Variants in C1GALT1 observed in about 807,000 individuals in gnomAD.
C1GALT1 encodes glycoprotein-N-acetylgalactosamine 3-beta-galactosyltransferase 1.
Under a neutral mutation model 31.0 loss-of-function variants are expected in C1GALT1, and 11 were observed. The observed-to-expected ratio is 0.36, with a 90% confidence interval of 0.22 to 0.59. The LOEUF is 0.59. Ranked by LOEUF, C1GALT1 falls within the 20% of genes least tolerant of loss-of-function variation. The pLI, the probability that C1GALT1 is intolerant of heterozygous loss-of-function variation, is 0.79. For missense variants in C1GALT1, 424 were observed against 425.2 expected, an observed-to-expected ratio of 1.00 and a Z score of 0.03; for synonymous variants, 175 against 143.6, an observed-to-expected ratio of 1.22 and a Z score of -1.56.
intron 1 of C1GALT1, among the ~76,000 whole-genome samples, chr7:7,196,834 A>AAT (rs1781309405): frequency 6.6e-6 from 1 of 151,982 alleles, no homozygotes; most frequent in African/African-American, 2.4e-5. Context: ...GCATTTTTTC[A>AAT]TGTGTTTTTT....
At chr7:7,172,983 C>A (rs908540616) in intron 2 of C1GALT1, among the ~76,000 whole-genome samples, 1 of 152,216 alleles carries the variant, frequency 6.6e-6, no homozygotes, top group Admixed American at 6.5e-5. Context: ...TTCCCCTCAT[C>A]TGATTGGAAT....
intron 1 of C1GALT1, among the ~76,000 whole-genome samples, chr7:7,227,747 C>G (rs1213700012): frequency 1.3e-5 from 2 of 150,524 alleles, no homozygotes; most frequent in Admixed American, 6.6e-5. Flanking sequence ...GGAAGAGGAA[C>G]AAACCTAAGC....
chr7:7,236,424 A>G lies in C1GALT1; in HGVS notation c.221-1831A>G, dbSNP rs576650412. 5.9e-5 allele frequency among the ~76,000 whole-genome samples: 9 copies of G among 152,298 alleles called. No homozygotes were observed. In the South Asian group the frequency reaches 1.9e-3, roughly 32 times the overall value. On this transcript the variant is annotated intron_variant, in intron 2 of 3. Transcript: ENST00000436587. ...CCAAGAGATTGGGCTCCTCAAGGAT[A>G]TGAGATGTCTATGCTTTCTGACTGA...
Position 7,234,440 on chromosome 7 carries a change from G to T in C1GALT1, c.121G>T (p.Val41Phe). The T allele has an allele frequency of 6.2e-7, 1 of 1,613,868 alleles. No homozygotes were observed. Among genetic ancestry groups the T allele is most frequent in the African/African-American group, 1.3e-5 (1 of 75,024 alleles). ...LGEKVDTQPN[V>F]LHNDPHARHS... is the part of the protein sequence containing the mutation. ...AGAAAAGGTTGACACCCAGCCTAAT[G>T]TTCTTCATAATGATCCTCATGCAAG... is the stretch of plus-strand genomic sequence containing the variant. Residue 41 changes from valine to phenylalanine, a missense_variant, in exon 2 of 4, where the codon GTT (valine) becomes TTT (phenylalanine). Val to Phe is a conservative substitution (Grantham distance 50, BLOSUM62 -1). This residue lies in a region of C1GALT1 where 189 missense variants were observed against 158.2 expected (regional missense o/e 1.19). Coordinates refer to ENST00000436587, the MANE Select transcript of C1GALT1 (RefSeq NM_020156.5).
At chr7:7,185,947 T>G (rs1185872800) in intron 1 of C1GALT1, among the ~76,000 whole-genome samples, 2 of 152,252 alleles carry the variant, frequency 1.3e-5, no homozygotes, top group Non-Finnish European at 2.9e-5. Context: ...ATCTGTTTTC[T>G]GTTGCCTCTA....
intron 1 of C1GALT1, among the ~76,000 whole-genome samples, chr7:7,188,883 A>T (rs1176151812): frequency 6.6e-6 from 1 of 152,218 alleles, no homozygotes; most frequent in Admixed American, 6.5e-5. Flanking sequence ...TGTAAATTAA[A>T]AGCTGAACAT....
intron 2 of C1GALT1, among the ~76,000 whole-genome samples, chr7:7,237,589 T>C (rs1165268396): frequency 1.3e-5 from 2 of 152,218 alleles, no homozygotes; most frequent in East Asian, 3.8e-4. Context: ...TCTACCATTG[T>C]TCTCTTCTGT....
At chr7:7,196,301 A>G (rs1333691114) in intron 1 of C1GALT1, among the ~76,000 whole-genome samples, 2 of 147,962 alleles carry the variant, frequency 1.4e-5, no homozygotes, top group East Asian at 4.0e-4. Context: ...CCTATGAGTG[A>G]GAACATACGG....
chr7:7,216,843 T>C (rs992763295), intron 1 of C1GALT1, among the ~76,000 whole-genome samples: 11 of 152,192 alleles, frequency 7.2e-5, no homozygotes, highest in African/African-American at 2.2e-4. Flanking sequence ...TGATTTCTGC[T>C]AAGTGGCTTA....
chr7:7,206,755 A>AT (rs112861661), intron 1 of C1GALT1, among the ~76,000 whole-genome samples: 22,822 of 144,836 alleles, frequency 0.16, 2,005 homozygotes, highest in East Asian at 0.37. Flanking sequence ...CATGGTTGGC[A>AT]TTTTTTTTTT....
At chr7:7,184,011 TGA>T (rs1346516030) in intron 1 of C1GALT1, among the ~76,000 whole-genome samples, 3 of 152,124 alleles carry the variant, frequency 2.0e-5, no homozygotes, top group Non-Finnish European at 4.4e-5. Flanking sequence ...CATTCTGGTG[TGA>T]GTTTGGGAAG....
At chr7:7,207,335 CTTTTTTTTTTTTTT>C (rs57510429) in intron 1 of C1GALT1, among the ~76,000 whole-genome samples, 46 of 48,006 alleles carry the variant, frequency 9.6e-4, no homozygotes, top group African/African-American at 3.1e-3. Context: ...TACTCTGTTG[CTTTTTTTTTTTTTT>C]TTTTTTTTTT....
At chr7:7,223,433 G>T (rs1031044825) in intron 1 of C1GALT1, among the ~76,000 whole-genome samples, 1 of 152,198 alleles carries the variant, frequency 6.6e-6, no homozygotes, top group Non-Finnish European at 1.5e-5. Context: ...AAAGTGCTAG[G>T]ATTACAGGTG....
chr7:7,219,582 A>G (rs1315345222), intron 1 of C1GALT1, among the ~76,000 whole-genome samples: 7 of 152,224 alleles, frequency 4.6e-5, no homozygotes, highest in African/African-American at 1.7e-4. Flanking sequence ...AACCTACATA[A>G]ATAAAAACTA....
intron 2 of C1GALT1, among the ~76,000 whole-genome samples, chr7:7,176,724 T>G (rs1780509755): frequency 6.6e-6 from 1 of 152,202 alleles, no homozygotes; most frequent in South Asian, 2.1e-4. Flanking sequence ...ACCCTATTCC[T>G]CTGTCAGTCA....
chr7:7,212,544 A>G (rs1782053381), intron 1 of C1GALT1, among the ~76,000 whole-genome samples: 2 of 152,224 alleles, frequency 1.3e-5, no homozygotes, highest in African/African-American at 2.4e-5. Flanking sequence ...TTATGTCCGT[A>G]TAAGAGACCA....
rs1045102127 is a variant in C1GALT1 at position 7,246,141 on chromosome 7, TTAGA to T, written c.*2417_*2420del. ...GCCAACTGTATGCTAGGTACTGTGC[TTAGA>T]TAATCTGTGTATAATAGTGTTAATC... is the stretch of plus-strand genomic sequence containing the variant. On this transcript the variant is annotated 3_prime_UTR_variant, in exon 4 of 4. Coordinates refer to ENST00000436587, the MANE Select transcript of C1GALT1 (RefSeq NM_020156.5). 5.3e-5 allele frequency: 8 copies of T among 152,222 alleles called. No homozygotes were observed. Among genetic ancestry groups the T allele is most frequent in the African/African-American group, 1.9e-4 (8 of 41,448 alleles). 9.4% of individuals were successfully genotyped at this position (152,222 alleles called of 1,614,324 possible). A position where few individuals can be genotyped will look rare whatever the true frequency, so the allele number is the denominator to read the frequency against.
At chr7:7,234,574 A>C in intron 2 of C1GALT1, 35 bp downstream of exon 2, 2 of 1,496,088 alleles carry the variant, frequency 1.3e-6, no homozygotes, top group East Asian at 4.6e-5. Flanking sequence ...AAACATAAGC[A>C]GTATTTTAGT....
intron 1 of C1GALT1, among the ~76,000 whole-genome samples, chr7:7,216,000 G>A (rs1180381156): frequency 6.6e-6 from 1 of 151,832 alleles, no homozygotes; most frequent in Non-Finnish European, 1.5e-5. Context: ...TTAATTTTGG[G>A]GAACTATTTT....
Sources: gnomAD v4.1 joint callset for allele counts (sites outside exome capture counted in the v4.1 genomes callset) on GRCh38, gnomAD v4.1.1 for gene constraint, gnomAD v4.1.1 regional missense constraint, MANE v1.5 for transcripts, NCBI Gene and HGNC (gene_info 2026-07-23, HGNC 2026-07-21) for gene names.